RNF130: variants seen among roughly 807,000 people sequenced by gnomAD.
RNF130 encodes E3 ubiquitin-protein ligase RNF130.
Under a neutral mutation model 44.6 loss-of-function variants are expected in RNF130, and 21 were observed. That is an observed-to-expected ratio of 0.47 (90% CI 0.33 to 0.68). RNF130 has a LOEUF of 0.68. Among genes scored for constraint, RNF130 ranks in the 30% least tolerant of loss-of-function variants. The probability of loss-of-function intolerance (pLI) is 0.02; values close to 1 mark genes in which losing one functional copy is unlikely to be tolerated. For synonymous variants in RNF130, 214 were observed against 210.4 expected (o/e 1.02, Z -0.15); for missense variants, 479 against 560.6 (o/e 0.85, Z 1.47).
chr5:180,008,767 G>A (rs1763518987), intron 3 of RNF130, among the ~76,000 whole-genome samples: 1 of 151,850 alleles, frequency 6.6e-6, no homozygotes, highest in East Asian at 1.9e-4. Flanking sequence ...GCCTGTAATC[G>A]CAGCTACTCG....
intron 1 of RNF130, among the ~76,000 whole-genome samples, chr5:180,066,681 C>G (rs1248364569): frequency 6.6e-6 from 1 of 151,770 alleles, no homozygotes; most frequent in Admixed American, 6.6e-5. Flanking sequence ...ACTAAAAATA[C>G]AAAAAATTAG....
intron 2 of RNF130, among the ~76,000 whole-genome samples, chr5:180,036,418 C>G (rs777720835): frequency 2.6e-5 from 4 of 152,190 alleles, no homozygotes; most frequent in Non-Finnish European, 5.9e-5. Context: ...TGGTGTCATT[C>G]ACCACTGCAA....
chr5:179,974,587 T>C (rs897160122), intron 5 of RNF130, among the ~76,000 whole-genome samples: 4 of 152,104 alleles, frequency 2.6e-5, no homozygotes, highest in African/African-American at 9.7e-5. Context: ...AGCTTGTGAA[T>C]CGTTAAGGAA....
Position 180,011,585 on chromosome 5 carries a change from G to A in RNF130, c.693+1476C>T, listed in dbSNP as rs139932021. On this transcript the variant is annotated intron_variant, in intron 3 of 8. Coordinates refer to ENST00000521389, the MANE Select transcript of RNF130 (RefSeq NM_018434.6). ...GTTTGAGACCAGCCTGGCCAACACT[G>A]CAAGACCTGGCCTGTGCAAAAAAAT... Among the ~76,000 whole-genome samples the A allele has an allele frequency of 6.3e-4, 96 of 152,220 alleles. 1 individual carries two copies. The highest frequency in any genetic ancestry group is 3.4e-3 in the Middle Eastern group (1 of 294).
downstream of RNF130, among the ~76,000 whole-genome samples, chr5:179,952,411 T>A (rs1013752741): frequency 6.6e-6 from 1 of 152,162 alleles, no homozygotes; most frequent in Admixed American, 6.5e-5. Flanking sequence ...CAGGACCAGA[T>A]GGCTTCCAAA....
intron 1 of RNF130, among the ~76,000 whole-genome samples, chr5:180,049,244 C>G (rs1346989342): frequency 1.3e-5 from 2 of 152,214 alleles, no homozygotes; most frequent in African/African-American, 4.8e-5. Flanking sequence ...GCCTCCTTCC[C>G]TCACTCGAGG....
chr5:179,956,722 G>A (rs1481157820), intron 8 of RNF130, among the ~76,000 whole-genome samples: 5 of 152,132 alleles, frequency 3.3e-5, no homozygotes, highest in South Asian at 2.1e-4. Context: ...AAGGTAAGGC[G>A]GCAGCTCCGC....
At chr5:179,974,454 G>A (rs148347832) in intron 5 of RNF130, among the ~76,000 whole-genome samples, 26 of 152,344 alleles carry the variant, frequency 1.7e-4, no homozygotes, top group East Asian at 5.8e-4. Flanking sequence ...AGGCCCCTCC[G>A]CCATGCCAAC....
At chr5:180,066,166 G>T (rs1284120084) in intron 1 of RNF130, among the ~76,000 whole-genome samples, 1 of 152,186 alleles carries the variant, frequency 6.6e-6, no homozygotes, top group Non-Finnish European at 1.5e-5. Context: ...TGCTGTGGGA[G>T]GGACCCAGTG....
chr5:180,055,473 C>G (rs900006271), intron 1 of RNF130, among the ~76,000 whole-genome samples: 4 of 150,984 alleles, frequency 2.6e-5, no homozygotes, highest in African/African-American at 7.3e-5. Context: ...TGTGTGTGCG[C>G]GCGCGCACGC....
At chr5:180,034,641 C>A (rs1436965956) in intron 2 of RNF130, among the ~76,000 whole-genome samples, 1 of 152,094 alleles carries the variant, frequency 6.6e-6, no homozygotes. Context: ...GTAAACATAG[C>A]AGGTTTGAAC....
Position 179,955,297 on chromosome 5 carries a change from T to G in RNF130, c.*357A>C, listed in dbSNP as rs954550141. 4.9e-6 allele frequency: 1 copy of G among 205,184 alleles called. No homozygotes were observed. The highest frequency in any genetic ancestry group is 9.7e-6 in the Non-Finnish European group (1 of 103,422). 12.7% of individuals were successfully genotyped at this position (205,184 alleles called of 1,614,324 possible). A position where few individuals can be genotyped will look rare whatever the true frequency, so the allele number is the denominator to read the frequency against. ...CATCACCAGCAGGATGTCCCCGCTC[T>G]TGCGCCCTATGTGGGTAGGAGCCAA... On this transcript the variant is annotated 3_prime_UTR_variant, in exon 9 of 9. Coordinates refer to ENST00000521389, the MANE Select transcript of RNF130 (RefSeq NM_018434.6).
chr5:179,974,819 G>A (rs1178263710), intron 5 of RNF130, among the ~76,000 whole-genome samples: 2 of 152,268 alleles, frequency 1.3e-5, no homozygotes, highest in African/African-American at 4.8e-5. Flanking sequence ...CCCCGAGGAA[G>A]GGAGAGAGCA....
At position 179,944,548 on chromosome 5, in the gene RNF130, C is replaced by T. The variant is rs191691537; in HGVS notation, c.1150+22258G>A. Reference sequence around the variant, plus strand: ...CCACAATCTTGGCTCACTGCAACCTCCACCTTCCGGGTTCAAGCAATTTCT... The same window carrying T: ...CCACAATCTTGGCTCACTGCAACCTTCACCTTCCGGGTTCAAGCAATTTCT... On this transcript the variant is annotated intron_variant, in intron 7 of 7. Transcript: ENST00000522208. 6.3e-3 allele frequency among the ~76,000 whole-genome samples: 963 copies of T among 152,218 alleles called. 10 individuals are homozygous for T. The highest frequency in any genetic ancestry group is 8.7e-3 in the Non-Finnish European group (594 of 68,012).
chr5:180,021,042 C>CGCAATCTCGACTCACT (rs61092349), intron 2 of RNF130, among the ~76,000 whole-genome samples: 120,579 of 151,156 alleles, frequency 0.8, 48,300 homozygotes, highest in South Asian at 0.93. Flanking sequence ...AGTGCAGTGG[C>CGCAATCTCGACTCACT]GCAATCTCTG....
chr5:180,037,198 A>C (rs1764268435), intron 2 of RNF130, among the ~76,000 whole-genome samples: 2 of 152,202 alleles, frequency 1.3e-5, no homozygotes, highest in Admixed American at 1.3e-4. Context: ...CTGCTGTTAC[A>C]ATGCTGTAAC....
intron 2 of RNF130, among the ~76,000 whole-genome samples, chr5:180,020,989 T>C (rs1015384906): frequency 6.6e-6 from 1 of 152,132 alleles, no homozygotes; most frequent in Non-Finnish European, 1.5e-5. Context: ...AATCTAATTT[T>C]TTTTTTCTTT....
intron 7 of RNF130, among the ~76,000 whole-genome samples, chr5:179,927,082 G>A (rs248230): frequency 0.41 from 61,713 of 152,012 alleles, 13,388 homozygotes; most frequent in East Asian, 0.76. Flanking sequence ...GGAAATGACC[G>A]AATCTTTTTT....
At chr5:179,914,098 C>T (rs909666704) in exon 8 of RNF130, 27 of 152,262 alleles carry the variant, frequency 1.8e-4, no homozygotes, top group African/African-American at 5.5e-4. Flanking sequence ...TTACAATCAA[C>T]AGCCTTTCCT....
Sources: allele counts gnomAD v4.1 joint callset (sites outside exome capture counted in the v4.1 genomes callset), GRCh38; gene constraint gnomAD v4.1.1; transcripts MANE v1.5; gene names NCBI Gene and HGNC (gene_info 2026-07-23, HGNC 2026-07-21).